Variants in ELMO1 observed in about 807,000 individuals in gnomAD.
ELMO1 encodes the protein engulfment and cell motility protein 1.
ELMO1 carries 26 observed loss-of-function variants against 98.9 expected under a neutral mutation model. The ratio of observed to expected loss-of-function variants is 0.26; its 90% CI spans 0.19 to 0.36. The LOEUF (loss-of-function observed/expected upper bound fraction) is 0.36. Among genes scored for constraint, ELMO1 ranks in the 10% least tolerant of loss-of-function variants. The pLI is 1.00. For synonymous variants in ELMO1, 346 were observed against 346.0 expected (o/e 1.00, Z 0.00); for missense variants, 627 against 935.2 (o/e 0.67, Z 4.30).
intron 13 of ELMO1, among the ~76,000 whole-genome samples, chr7:37,183,131 A>T (rs1430816286): frequency 3.9e-5 from 6 of 152,222 alleles, no homozygotes; most frequent in African/African-American, 1.4e-4. Context: ...CAGACATCCT[A>T]AAAACTGCCC....
At chr7:37,209,873 A>C (rs1265025738) in intron 13 of ELMO1, among the ~76,000 whole-genome samples, 2 of 152,250 alleles carry the variant, frequency 1.3e-5, no homozygotes, top group Non-Finnish European at 2.9e-5. Context: ...TTCAACTAAA[A>C]GATAAAATGG....
At chr7:36,882,163 G>C (rs1804520111) in intron 18 of ELMO1, among the ~76,000 whole-genome samples, 1 of 152,224 alleles carries the variant, frequency 6.6e-6, no homozygotes, top group Non-Finnish European at 1.5e-5. Context: ...GCTGGGGGCT[G>C]ACCCCGGGGG....
At chr7:37,157,117 C>G (rs1350418595) in intron 13 of ELMO1, among the ~76,000 whole-genome samples, 1 of 152,158 alleles carries the variant, frequency 6.6e-6, no homozygotes, top group African/African-American at 2.4e-5. Context: ...ATTCAACAGC[C>G]TTTCATGCTA....
chr7:36,937,551 C>G (rs1786655570), intron 16 of ELMO1, among the ~76,000 whole-genome samples: 1 of 152,186 alleles, frequency 6.6e-6, no homozygotes, highest in Admixed American at 6.5e-5. Flanking sequence ...ATTGGTAGTA[C>G]TTTGTTACAG....
chr7:37,381,337 A>C (rs1232329600), intron 1 of ELMO1, among the ~76,000 whole-genome samples: 2 of 152,240 alleles, frequency 1.3e-5, no homozygotes, highest in East Asian at 3.8e-4. Flanking sequence ...CCATTTCTCT[A>C]ATCTGGGTGA....
chr7:37,249,419 A>G (rs1288736823), intron 6 of ELMO1, among the ~76,000 whole-genome samples: 1 of 152,228 alleles, frequency 6.6e-6, no homozygotes, highest in Non-Finnish European at 1.5e-5. Context: ...AGAACTTTAC[A>G]TATCACTAAA....
intron 1 of ELMO1, among the ~76,000 whole-genome samples, chr7:37,390,916 C>T (rs1803041194): frequency 6.6e-6 from 1 of 152,216 alleles, no homozygotes; most frequent in Non-Finnish European, 1.5e-5. Context: ...CCTGTAGACA[C>T]TGTTTCCCAT....
At chr7:37,213,602 C>T (rs1191611823) in intron 11 of ELMO1, 145 bp from the exon 12 acceptor site, 2 of 738,466 alleles carry the variant, frequency 2.7e-6, no homozygotes, top group Admixed American at 3.0e-5. Context: ...AATTTCAGAG[C>T]TTTCCTTTGA....
chr7:37,281,586 T>C (rs1006250275), intron 4 of ELMO1, among the ~76,000 whole-genome samples: 5 of 152,188 alleles, frequency 3.3e-5, no homozygotes, highest in South Asian at 2.1e-4. Flanking sequence ...GGGTGAGTGT[T>C]AGAATGCAGA....
chr7:36,930,155 TC>T (rs1785920118), intron 16 of ELMO1, among the ~76,000 whole-genome samples: 1 of 152,186 alleles, frequency 6.6e-6, no homozygotes, highest in Non-Finnish European at 1.5e-5. Flanking sequence ...TGTACGGGTC[TC>T]CCCAGCCCAT....
intron 2 of ELMO1, among the ~76,000 whole-genome samples, chr7:37,339,077 T>C (rs904970311): frequency 2.6e-5 from 4 of 152,200 alleles, no homozygotes; most frequent in Non-Finnish European, 4.4e-5. Context: ...GAAATATCTT[T>C]TCATTTTAAG....
At chr7:37,167,851 C>T (rs1186079290) in intron 13 of ELMO1, among the ~76,000 whole-genome samples, 203 of 150,660 alleles carry the variant, frequency 1.3e-3, no homozygotes, top group Admixed American at 3.0e-3. Flanking sequence ...ATCTTTGTGG[C>T]GTTCTCTGTA....
intron 21 of ELMO1, among the ~76,000 whole-genome samples, chr7:36,857,355 A>C (rs1802281454): frequency 6.7e-6 from 1 of 149,954 alleles, no homozygotes; most frequent in African/African-American, 2.4e-5. Flanking sequence ...ATCTAGGGTG[A>C]GGAGACTTTG....
chr7:36,865,279 C>T (rs1289079505), intron 20 of ELMO1, among the ~76,000 whole-genome samples: 2 of 152,184 alleles, frequency 1.3e-5, no homozygotes. Context: ...CAGGATATAA[C>T]TCGGCATGTG....
At chr7:37,068,900 G>T (rs1468947696) in intron 15 of ELMO1, among the ~76,000 whole-genome samples, 1 of 149,386 alleles carries the variant, frequency 6.7e-6, no homozygotes, top group African/African-American at 2.4e-5. Context: ...TAAATATAAA[G>T]GTGGCTAATA....
At chr7:37,019,609 G>C (rs944658212) in intron 15 of ELMO1, among the ~76,000 whole-genome samples, 12 of 152,134 alleles carry the variant, frequency 7.9e-5, no homozygotes, top group Non-Finnish European at 1.3e-4. Flanking sequence ...AAGAAAACCA[G>C]GAAGGGTGAG....
rs932083890 is a variant in ELMO1 at position 37,233,104 on chromosome 7, G to A, written c.540C>T (p.Phe180=). 6.2e-7 allele frequency: 1 copy of A among 1,613,290 alleles called. No homozygotes were observed. Among genetic ancestry groups the A allele is most frequent in the South Asian group, 1.1e-5 (1 of 91,024 alleles). Residue 180 remains phenylalanine (F), a synonymous_variant, in exon 8 of 22, where the codon TTC becomes TTT. Transcript: ENST00000310758. ...IVSWDTFSVA[F]IKKIASFVNK... ...GCAGAGTCCACCTTACCTTCTTAATGAACGCCACCGAAAATGTATCCCAGG... is the reference window on the plus strand; with the variant it reads ...GCAGAGTCCACCTTACCTTCTTAATAAACGCCACCGAAAATGTATCCCAGG...
At chr7:37,073,214 C>T (rs557408931) in intron 15 of ELMO1, among the ~76,000 whole-genome samples, 8 of 152,172 alleles carry the variant, frequency 5.3e-5, no homozygotes, top group African/African-American at 1.9e-4. Flanking sequence ...ATAATGCTAT[C>T]TAGTCATTAA....
chr7:37,102,486 C>A (rs1263390115), intron 14 of ELMO1, among the ~76,000 whole-genome samples: 1 of 152,152 alleles, frequency 6.6e-6, no homozygotes, highest in African/African-American at 2.4e-5. Context: ...GCTGCTAGTT[C>A]ACCAGATCTA....
Sources: allele counts gnomAD v4.1 joint callset (sites outside exome capture counted in the v4.1 genomes callset), GRCh38; gene constraint gnomAD v4.1.1; transcripts MANE v1.5; gene names NCBI Gene and HGNC (gene_info 2026-07-23, HGNC 2026-07-21).